The following DENND5B variants were observed in gnomAD, a reference collection of about 807,000 sequenced individuals.
The protein encoded by DENND5B is DENN domain-containing protein 5B.
A neutral mutation model predicts 140.6 loss-of-function variants in DENND5B; 34 were observed. The observed-to-expected ratio is 0.24, with a 90% CI of 0.18 to 0.32. DENND5B has a LOEUF of 0.32. DENND5B is among the 10% of genes least tolerant of loss of function. The probability of loss-of-function intolerance (pLI) is 1.00; values close to 1 mark genes in which losing one functional copy is unlikely to be tolerated. For missense variants in DENND5B, 1,142 were observed against 1,560.2 expected (o/e 0.73, Z 4.52); for synonymous variants, 551 against 562.1 (o/e 0.98, Z 0.28).
rs1175705234 is a variant in DENND5B at position 31,385,931 on chromosome 12, C to G, written c.*1672G>C. 1 of 152,338 alleles carries G rather than the reference C, an allele frequency of 6.6e-6. No individual in the cohort carries two copies. Among genetic ancestry groups the G allele is most frequent in the Non-Finnish European group, 1.5e-5 (1 of 68,160 alleles). The allele number at this position is 152,338 out of a possible 1,614,324, so 9.4% of individuals were successfully genotyped here. A position where few individuals can be genotyped will look rare whatever the true frequency, so the allele number is the denominator to read the frequency against. On this transcript the variant is annotated 3_prime_UTR_variant, in exon 21 of 21. Coordinates refer to ENST00000389082, the MANE Select transcript of DENND5B (RefSeq NM_144973.4). The stretch of plus-strand genomic sequence containing the variant: ...GACCTTGTGATCCGCCTGCCTCGGC[C>G]TCCCAAAGTGCTGGGATCATAGGCG...
intron 5 of DENND5B, 59 bp downstream of exon 5, chr12:31,451,881 G>A (rs1446133664): frequency 1.3e-6 from 2 of 1,554,224 alleles, no homozygotes; most frequent in South Asian, 1.2e-5. Flanking sequence ...ATTTAAAAAT[G>A]TTAAAATCAA....
At chr12:31,580,620 G>A (rs1430930530) in intron 1 of DENND5B, among the ~76,000 whole-genome samples, 3 of 152,082 alleles carry the variant, frequency 2.0e-5, no homozygotes, top group African/African-American at 7.2e-5. Flanking sequence ...TCAGCCTCCC[G>A]AGTAGCTGGG....
At chr12:31,585,410 AGC>A (rs1441742092) in intron 1 of DENND5B, among the ~76,000 whole-genome samples, 1 of 152,204 alleles carries the variant, frequency 6.6e-6, no homozygotes, top group Non-Finnish European at 1.5e-5. Flanking sequence ...ATCCCAATTA[AGC>A]CTATACACCC....
At chr12:31,470,278 G>A (rs1945494738) in intron 3 of DENND5B, among the ~76,000 whole-genome samples, 1 of 151,726 alleles carries the variant, frequency 6.6e-6, no homozygotes, top group South Asian at 2.1e-4. Context: ...CCACGCCTGG[G>A]TAACTCTGTA....
chr12:31,535,073 CAAAAAAAAAAAAA>C (rs747166398), intron 1 of DENND5B: 14 of 95,936 alleles, frequency 1.5e-4, no homozygotes, highest in Admixed American at 7.7e-4. Context: ...GACTCTGTCT[CAAAAAAAAAAAAA>C]AAAAAAAAAA....
intron 1 of DENND5B, among the ~76,000 whole-genome samples, chr12:31,554,202 C>T (rs1302440277): frequency 5.9e-5 from 9 of 152,036 alleles, no homozygotes; most frequent in African/African-American, 9.7e-5. Flanking sequence ...TGGCTGGTAC[C>T]GGTTGTTCCT....
chr12:31,506,803 CAG>C (rs2058145557), intron 1 of DENND5B, among the ~76,000 whole-genome samples: 1 of 152,224 alleles, frequency 6.6e-6, no homozygotes, highest in South Asian at 2.1e-4. Flanking sequence ...GGAGAGAATG[CAG>C]AGTTTCCATG....
At chr12:31,509,385 C>T (rs1947324402) in intron 1 of DENND5B, among the ~76,000 whole-genome samples, 1 of 152,142 alleles carries the variant, frequency 6.6e-6, no homozygotes, top group African/African-American at 2.4e-5. Context: ...CTTTGGGAGG[C>T]TGAGGCATTC....
At chr12:31,438,876 C>T (rs746785234) in intron 7 of DENND5B, among the ~76,000 whole-genome samples, 1 of 151,908 alleles carries the variant, frequency 6.6e-6, no homozygotes, top group Non-Finnish European at 1.5e-5. Flanking sequence ...ATATAATAAA[C>T]GAAAAGGAAG....
At position 31,442,878 on chromosome 12, in the gene DENND5B, G is replaced by A; in HGVS notation, c.1909C>T (p.His637Tyr). Residue 637 changes from histidine to tyrosine, a missense_variant, in exon 7 of 21, where the codon CAC becomes TAC. His to Tyr is a moderately conservative substitution (Grantham distance 83, BLOSUM62 2). Around this residue, in one of 5 missense-constraint regions of DENND5B, gnomAD observed 708 missense variants for 905.5 expected, o/e 0.78. Transcript: ENST00000389082. ...RLMKMDHTAI[H>Y]PHLLDMKIGQ... ...ATTTTCATATCAAGTAGATGTGGGT[G>A]GATTGCAGTGTGATCCATTTTCATC... 3.1e-6 allele frequency: 5 copies of A among 1,605,500 alleles called. No homozygotes were observed. The highest frequency in any genetic ancestry group is 4.3e-6 in the Non-Finnish European group (5 of 1,175,650).
chr12:31,466,102 G>A (rs1042818650), intron 3 of DENND5B, among the ~76,000 whole-genome samples: 75 of 152,172 alleles, frequency 4.9e-4, no homozygotes, highest in African/African-American at 1.8e-3. Flanking sequence ...GCTCACGCCT[G>A]TAAGCACTTT....
chr12:31,548,772 T>G (rs1435542981), intron 1 of DENND5B, among the ~76,000 whole-genome samples: 1 of 152,186 alleles, frequency 6.6e-6, no homozygotes, highest in African/African-American at 2.4e-5. Context: ...AATTAATTAA[T>G]GGCTATGTAT....
chr12:31,583,685 A>G (rs971162290), intron 1 of DENND5B, among the ~76,000 whole-genome samples: 3 of 149,782 alleles, frequency 2.0e-5, no homozygotes, highest in Admixed American at 2.0e-4. Flanking sequence ...CTGGGAAAAA[A>G]CAAAAACAAA....
chr12:31,580,923 C>G (rs1163240045), intron 1 of DENND5B, among the ~76,000 whole-genome samples: 1 of 151,656 alleles, frequency 6.6e-6, no homozygotes, highest in South Asian at 2.1e-4. Flanking sequence ...CTGGGCAACA[C>G]AGACCCCATC....
intron 6 of DENND5B, among the ~76,000 whole-genome samples, chr12:31,447,044 G>A (rs1277360976): frequency 6.6e-6 from 1 of 152,132 alleles, no homozygotes; most frequent in African/African-American, 2.4e-5. Flanking sequence ...GGCTGAGGAG[G>A]GCAGATCACC....
intron 1 of DENND5B, among the ~76,000 whole-genome samples, chr12:31,569,522 A>G (rs543852640): frequency 2.0e-5 from 3 of 152,214 alleles, no homozygotes; most frequent in Non-Finnish European, 4.4e-5. Context: ...TAAAGAGCCA[A>G]TGCCAGCTGG....
chr12:31,508,663 T>C (rs890676638), intron 1 of DENND5B, among the ~76,000 whole-genome samples: 9 of 152,208 alleles, frequency 5.9e-5, no homozygotes, highest in Non-Finnish European at 1.0e-4. Flanking sequence ...TTGATGTGAT[T>C]TGTGCTAAAC....
At chr12:31,392,575 A>C in intron 18 of DENND5B, 39 bp downstream of exon 18, 1 of 1,537,292 alleles carries the variant, frequency 6.5e-7, no homozygotes, top group Non-Finnish European at 8.8e-7. Context: ...AAGCATCTTT[A>C]AAAGTCCCAC....
At chr12:31,568,827 C>T (rs935582522) in intron 1 of DENND5B, among the ~76,000 whole-genome samples, 1 of 152,200 alleles carries the variant, frequency 6.6e-6, no homozygotes, top group African/African-American at 2.4e-5. Context: ...CCACAGCATT[C>T]TAACTGATAG....
Sources: allele counts gnomAD v4.1 joint callset (sites outside exome capture counted in the v4.1 genomes callset), GRCh38; gene constraint gnomAD v4.1.1; regional missense constraint gnomAD v4.1.1; transcripts MANE v1.5; gene names NCBI Gene and HGNC (gene_info 2026-07-23, HGNC 2026-07-21).